Variants in EPHB3 observed in about 807,000 individuals in gnomAD.
The protein encoded by EPHB3 is ephrin type-B receptor 3.
Under a neutral mutation model 100.2 loss-of-function variants are expected in EPHB3, and 33 were observed. The ratio of observed to expected loss-of-function variants is 0.33; its 90% CI spans 0.25 to 0.44. The LOEUF (loss-of-function observed/expected upper bound fraction) is 0.44. EPHB3 is among the 20% of genes least tolerant of loss of function. The probability of loss-of-function intolerance (pLI) is 1.00; values close to 1 mark genes in which losing one functional copy is unlikely to be tolerated. For missense variants in EPHB3, 1,045 were observed against 1,378.3 expected, an observed-to-expected ratio of 0.76 and a Z score of 3.83; for synonymous variants, 526 against 554.7, an observed-to-expected ratio of 0.95 and a Z score of 0.73.
chr3:184,562,249 G>T lies in EPHB3; in HGVS notation c.14G>T (p.Arg5Leu), dbSNP rs1164820191. The T allele has an allele frequency of 1.9e-6, 2 of 1,070,196 alleles. No individual in the cohort carries two copies. The highest frequency in any genetic ancestry group is 2.3e-6 in the Non-Finnish European group (2 of 857,534). 66.3% of individuals were successfully genotyped at this position (1,070,196 alleles called of 1,614,324 possible). ...GCTGCCACGGCCATGGCCAGAGCCC[G>T]CCCGCCGCCGCCGCCGTCGCCGCCG... MARA[R>L]PPPPPSPPPG... The change falls in exon 1 of 16, where the codon CGC becomes CTC. Residue 5 changes from arginine to leucine, a missense_variant. By Grantham distance (102) the Arg-to-Leu change is moderately radical. Coordinates refer to ENST00000330394, the MANE Select transcript of EPHB3 (RefSeq NM_004443.4). The surrounding 1 kb of genome is among the most constrained non-coding windows in gnomAD (Gnocchi z 4.8).
rs1419883008 is a variant in EPHB3 at position 184,576,951 on chromosome 3, T to C, written c.1122T>C (p.Asn374=). ...GTGGCCGGGATGACCTCCTGTACAA[T>C]GTCATCTGCAAGAAGTGCCATGGGG... is the stretch of plus-strand genomic sequence containing the variant. The part of the protein sequence containing the change: ...DLGGRDDLLY[N]VICKKCHGAG... Residue 374 remains asparagine, a synonymous_variant, in exon 5 of 16, where the codon AAT becomes AAC. Transcript: ENST00000330394. The C allele has an allele frequency of 2.5e-6, 4 of 1,612,118 alleles. No individual in the cohort carries two copies. Among genetic ancestry groups the C allele is most frequent in the Non-Finnish European group, 3.4e-6 (4 of 1,178,674 alleles).
intron 1 of EPHB3, among the ~76,000 whole-genome samples, chr3:184,570,466 G>C (rs1714510784): frequency 6.6e-6 from 1 of 152,240 alleles, no homozygotes; most frequent in East Asian, 1.9e-4. Flanking sequence ...TTCTTCCAAG[G>C]ATTGCAGGAA....
In EPHB3 at chr3:184,580,589, C is replaced by T; in HGVS notation, c.2360C>T (p.Pro787Leu). ...FGLSRFLEDD[P>L]SDPTYTSSLG... ...CTCTCCCGCTTCCTGGAGGATGACCCCTCCGATCCTACCTACACCAGTTCC... is the reference window on the plus strand; with the variant it reads ...CTCTCCCGCTTCCTGGAGGATGACCTCTCCGATCCTACCTACACCAGTTCC... Residue 787 changes from proline (P) to leucine (L), a missense_variant, in exon 12 of 16, where the codon CCC becomes CTC. Around this residue, in one of 2 missense-constraint regions of EPHB3, gnomAD observed 985 missense variants for 1,331.1 expected, o/e 0.74. Transcript: ENST00000330394. The T allele has an allele frequency of 6.2e-7, 1 of 1,614,192 alleles. No individual in the cohort carries two copies. Among genetic ancestry groups the T allele is most frequent in the African/African-American group, 1.3e-5 (1 of 75,068 alleles).
At position 184,569,181 on chromosome 3, in the gene EPHB3, T is replaced by TCCGGCGGGCGGACCGGCGGGCGGA. The variant is rs562889440; in HGVS notation, c.119-2128_119-2105dup. ...GGGAGCGGCTGGAGCCCCGGCCTGC[T>TCCGGCGGGCGGACCGGCGGGCGGA]CCGGCGGGCGGACCGGCGGGCGGAC... On this transcript the variant is annotated intron_variant, in intron 1 of 15. Coordinates refer to ENST00000330394, the MANE Select transcript of EPHB3 (RefSeq NM_004443.4). The surrounding 1 kb of genome is among the most constrained non-coding windows in gnomAD (Gnocchi z 5.4). Among the ~76,000 whole-genome samples the TCCGGCGGGCGGACCGGCGGGCGGA allele has an allele frequency of 1.5e-5, 2 of 133,300 alleles. No homozygotes were observed. The highest frequency in any genetic ancestry group is 3.4e-5 in the Non-Finnish European group (2 of 59,644). The allele number at this position is 133,300 out of a possible 152,430, so 87.4% of individuals were successfully genotyped here. A position where few individuals can be genotyped will look rare whatever the true frequency, so the allele number is the denominator to read the frequency against.
chr3:184,574,752 C>T (rs1326663448), intron 3 of EPHB3, among the ~76,000 whole-genome samples: 1 of 152,164 alleles, frequency 6.6e-6, no homozygotes, highest in Admixed American at 6.5e-5. Context: ...GGTGATGAGC[C>T]TGACAGCCTG....
chr3:184,579,328 C>G lies in EPHB3; in HGVS notation c.1802-149C>G. The G allele has an allele frequency of 8.3e-7, 1 of 1,210,492 alleles. No homozygotes were observed. Among genetic ancestry groups the G allele is most frequent in the Non-Finnish European group, 1.1e-6 (1 of 880,414 alleles). The allele number at this position is 1,210,492 out of a possible 1,614,324, so 75.0% of individuals were successfully genotyped here. ...CCTAGGTGTCTAGCCTTTATGGTCA[C>G]CAGGAGTTCTCATGGGAGCTGGAGG... On this transcript the variant is annotated intron_variant, in intron 9 of 15. Coordinates refer to ENST00000330394, the MANE Select transcript of EPHB3 (RefSeq NM_004443.4). This position sits in a 1 kb window ranked among gnomAD's most constrained non-coding sequence, Gnocchi z 5.2.
rs763850697 is a variant in EPHB3, at chr3:184,580,744, A to C, written c.2404A>C (p.Ile802Leu). Residue 802 changes from isoleucine (I) to leucine (L), a missense_variant, in exon 13 of 16, where the codon ATC becomes CTC. By Grantham distance (5) the Ile-to-Leu change is conservative. Coordinates refer to ENST00000330394, the MANE Select transcript of EPHB3 (RefSeq NM_004443.4). Reference protein sequence around the residue: ...YTSSLGGKIPIRWTAPEAIAY... With the variant: ...YTSSLGGKIPLRWTAPEAIAY... ...CCCTCACCAGGGCGGGAAGATCCCC[A>C]TCCGCTGGACTGCCCCAGAGGCCAT... 11 of 1,613,980 alleles carry C rather than the reference A, an allele frequency of 6.8e-6. No homozygotes were observed. The East Asian group carries it at 2.2e-4, about 33-fold the overall frequency.
rs1366558977 is a variant in EPHB3, at chr3:184,573,554, G to A, written c.856+378G>A. Among the ~76,000 whole-genome samples the A allele has an allele frequency of 6.6e-6, 1 of 152,078 alleles. No individual in the cohort carries two copies. The highest frequency in any genetic ancestry group is 1.5e-5 in the Non-Finnish European group (1 of 68,006). On this transcript the variant is annotated intron_variant, in intron 3 of 15. Transcript: ENST00000330394. This position sits in a 1 kb window ranked among gnomAD's most constrained non-coding sequence, Gnocchi z 4.5. ...CTGAAAGTGGTAGGTTGGCCCCAGG[G>A]CCAAGGGCACGGGGGCTGTGGGTAC... is the stretch of plus-strand genomic sequence containing the variant.
intron 11 of EPHB3, among the ~76,000 whole-genome samples, chr3:184,580,184 C>T (rs528650822): frequency 1.3e-5 from 2 of 152,292 alleles, no homozygotes; most frequent in South Asian, 4.1e-4. Context: ...TGTAGAATGG[C>T]AGTGGTAAGA....
Position 184,573,249 on chromosome 3 carries a change from C to A in EPHB3, c.856+73C>A, listed in dbSNP as rs541457406. The A allele has an allele frequency of 2.5e-3, 3,936 of 1,574,152 alleles. 16 individuals are homozygous for A. The highest frequency in any genetic ancestry group is 7.5e-3 in the South Asian group (671 of 88,950). ...CACAGCTACCTACCGCCCCGCCCCC[C>A]ACCCCTGCTTGCTATCTGACTAGGA... On this transcript the variant is annotated intron_variant, in intron 3 of 15. Coordinates refer to ENST00000330394, the MANE Select transcript of EPHB3 (RefSeq NM_004443.4). The surrounding 1 kb of genome is among the most constrained non-coding windows in gnomAD (Gnocchi z 4.5).
intron 3 of EPHB3, among the ~76,000 whole-genome samples, chr3:184,575,393 G>A (rs1020422027): frequency 1.3e-5 from 2 of 152,182 alleles, no homozygotes; most frequent in Non-Finnish European, 2.9e-5. Flanking sequence ...GCTGTTCTAG[G>A]GTGTCCTTCA....
Position 184,577,246 on chromosome 3 carries a change from A to C in EPHB3, c.1354+63A>C. 1 of 1,576,960 alleles carries C rather than the reference A, an allele frequency of 6.3e-7. No individual in the cohort carries two copies. Among genetic ancestry groups the C allele is most frequent in the South Asian group, 1.2e-5 (1 of 84,782 alleles). The stretch of plus-strand genomic sequence containing the variant: ...TTTCTCCTGGATGAGGTGTCCCAGG[A>C]CCTGCTAAGGGACCACTGGGGGTCC... On this transcript the variant is annotated intron_variant, in intron 5 of 15. Transcript: ENST00000330394. The surrounding 1 kb of genome is among the most constrained non-coding windows in gnomAD (Gnocchi z 4.9).
Position 184,575,880 on chromosome 3 carries a change from C to G in EPHB3, c.907C>G (p.Pro303Ala), listed in dbSNP as rs182804854. The change falls in exon 4 of 16, where the codon CCA becomes GCA. Residue 303 changes from proline to alanine, a missense_variant. Physicochemically the swap from Pro to Ala is conservative, Grantham distance 27. Transcript: ENST00000330394. ...GAAGCAGGGAGAGGGGCCCTGCCTC[C>G]CATGTCCCCCCAACAGCCGTACCAC... ...KAKQGEGPCL[P>A]CPPNSRTTSP... The G allele has an allele frequency of 3.7e-6, 6 of 1,613,464 alleles. No homozygotes were observed. The highest frequency in any genetic ancestry group is 5.1e-6 in the Non-Finnish European group (6 of 1,179,796).
rs776422527 is a variant in EPHB3, at chr3:184,562,887, T to G, written c.118+534T>G. Among the ~76,000 whole-genome samples, 4 of 152,216 alleles carry G rather than the reference T, an allele frequency of 2.6e-5. No individual in the cohort carries two copies. The highest frequency in any genetic ancestry group is 4.8e-5 in the African/African-American group (2 of 41,468). On this transcript the variant is annotated intron_variant, in intron 1 of 15. Coordinates refer to ENST00000330394, the MANE Select transcript of EPHB3 (RefSeq NM_004443.4). This position sits in a 1 kb window ranked among gnomAD's most constrained non-coding sequence, Gnocchi z 4.8. ...GCGGGGGCCTGTTATTGTTTATGGT[T>G]TACCGGGCGCCAATTACACCCGAGG...
Position 184,562,375 on chromosome 3 carries a change from G to T in EPHB3, c.118+22G>T. On this transcript the variant is annotated intron_variant, in intron 1 of 15. Coordinates refer to ENST00000330394, the MANE Select transcript of EPHB3 (RefSeq NM_004443.4). The surrounding 1 kb of genome is among the most constrained non-coding windows in gnomAD (Gnocchi z 4.8). Reference sequence around the variant, plus strand: ...GAAGGTGAGCGGCGTCGGGGGGCGCGCCCGGGAACAAGGTGCCTGGGGTCG... The same window carrying T: ...GAAGGTGAGCGGCGTCGGGGGGCGCTCCCGGGAACAAGGTGCCTGGGGTCG... The T allele has an allele frequency of 8.2e-7, 1 of 1,215,408 alleles. No homozygotes were observed. The highest frequency in any genetic ancestry group is 1.6e-5 in the African/African-American group (1 of 63,188). The allele number at this position is 1,215,408 out of a possible 1,614,324, so 75.3% of individuals were successfully genotyped here. A position where few individuals can be genotyped will look rare whatever the true frequency, so the allele number is the denominator to read the frequency against.
chr3:184,575,258 CCTG>C, intron 3 of EPHB3: 1 of 982,782 alleles, frequency 1.0e-6, no homozygotes, highest in Non-Finnish European at 1.2e-6. Flanking sequence ...AGCCTTCCTG[CCTG>C]CTTTCTTTCT....
Position 184,579,670 on chromosome 3 carries a change from T to C in EPHB3, c.1925-17T>C, listed in dbSNP as rs759483519. On this transcript the variant is annotated splice_polypyrimidine_tract_variant and intron_variant, in intron 10 of 15. Coordinates refer to ENST00000330394, the MANE Select transcript of EPHB3 (RefSeq NM_004443.4). The surrounding 1 kb of genome is among the most constrained non-coding windows in gnomAD (Gnocchi z 5.2). ...GGGTACAGGAGTGAGTCATAGCTTG[T>C]GCCCTGTGCCCTGCAGGGGAATTTG... 17 of 1,609,964 alleles carry C rather than the reference T, an allele frequency of 1.1e-5. No individual in the cohort carries two copies. Among genetic ancestry groups the C allele is most frequent in the Admixed American group, 3.3e-5 (2 of 59,784 alleles).
At chr3:184,564,146 G>A (rs572487240) in intron 1 of EPHB3, among the ~76,000 whole-genome samples, 72 of 152,306 alleles carry the variant, frequency 4.7e-4, no homozygotes, top group African/African-American at 1.7e-3. Flanking sequence ...GTGCTGGGGC[G>A]GCCCGGGAAG....
In EPHB3 at chr3:184,581,662, G is replaced by T; in HGVS notation, c.*40G>T. 6.6e-7 allele frequency: 1 copy of T among 1,516,042 alleles called. No homozygotes were observed. The highest frequency in any genetic ancestry group is 8.8e-7 in the Non-Finnish European group (1 of 1,130,702). 93.9% of individuals were successfully genotyped at this position (1,516,042 alleles called of 1,614,324 possible). A position where few individuals can be genotyped will look rare whatever the true frequency, so the allele number is the denominator to read the frequency against. On this transcript the variant is annotated 3_prime_UTR_variant, in exon 16 of 16. Transcript: ENST00000330394. ...GGGACCCTGAGGACCGTGCAGGGAT[G>T]CCAAGCAGCCGGCTGGACTTTCGGA...
Sources: gnomAD v4.1 joint callset for allele counts (sites outside exome capture counted in the v4.1 genomes callset) on GRCh38, gnomAD v4.1.1 for gene constraint, gnomAD v4.1.1 regional missense constraint, Gnocchi (gnomAD v3.1) non-coding constraint, MANE v1.5 for transcripts, NCBI Gene and HGNC (gene_info 2026-07-23, HGNC 2026-07-21) for gene names.